The following DLG2 variants were observed in gnomAD, a reference collection of about 807,000 sequenced individuals.
The protein encoded by DLG2 is discs large MAGUK scaffold protein 2.
In DLG2, 45 loss-of-function variants were observed where a neutral mutation model predicts 132.5. That is an observed-to-expected ratio of 0.34 (90% CI 0.27 to 0.44). DLG2 has a LOEUF of 0.44. Ranked by LOEUF, DLG2 falls within the 20% of genes least tolerant of loss-of-function variation. The pLI is 1.00. For synonymous variants in DLG2, 424 were observed against 419.6 expected (o/e 1.01, Z -0.13); for missense variants, 1,045 against 1,196.9 (o/e 0.87, Z 1.87).
chr11:85,127,712 C>T (rs1026966155), intron 5 of DLG2, among the ~76,000 whole-genome samples: 1 of 152,156 alleles, frequency 6.6e-6, no homozygotes, highest in Non-Finnish European at 1.5e-5. Context: ...GAACACAAGA[C>T]CACTCAGGAA....
At chr11:85,286,065 A>G (rs2078535272) in intron 3 of DLG2, 1 of 437,540 alleles carries the variant, frequency 2.3e-6, no homozygotes, top group African/African-American at 2.1e-5. Flanking sequence ...AATAACCTCC[A>G]AGAAGTCAAC....
chr11:84,510,813 T>G (rs537274508), intron 7 of DLG2, among the ~76,000 whole-genome samples: 2 of 147,772 alleles, frequency 1.4e-5, no homozygotes, highest in East Asian at 4.0e-4. Context: ...GGATAACTGT[T>G]TTTTGTTTGT....
At chr11:84,313,484 CAAAG>C (rs149038962) in intron 7 of DLG2, among the ~76,000 whole-genome samples, 37 of 115,450 alleles carry the variant, frequency 3.2e-4, no homozygotes, top group Admixed American at 7.2e-4. Context: ...ACATGATAGT[CAAAG>C]AAAGAAAGAA....
chr11:83,787,301 C>A (rs934060450), intron 17 of DLG2, among the ~76,000 whole-genome samples: 6 of 146,266 alleles, frequency 4.1e-5, no homozygotes, highest in Non-Finnish European at 8.9e-5. Flanking sequence ...GGTTAGACAG[C>A]CTTAAGCCTT....
intron 9 of DLG2, among the ~76,000 whole-genome samples, chr11:84,155,451 C>A (rs1485536333): frequency 6.6e-6 from 1 of 151,292 alleles, no homozygotes; most frequent in Non-Finnish European, 1.5e-5. Context: ...GTGCTCCCAG[C>A]TATATCTAGT....
intron 18 of DLG2, chr11:83,643,618 T>A (rs900870538): frequency 6.6e-6 from 1 of 152,184 alleles, no homozygotes; most frequent in Non-Finnish European, 1.5e-5. Flanking sequence ...GCTAAAATAA[T>A]ATCTAAGTTT....
At chr11:83,513,689 T>A (rs1377391402) in intron 21 of DLG2, among the ~76,000 whole-genome samples, 2 of 152,238 alleles carry the variant, frequency 1.3e-5, no homozygotes, top group Non-Finnish European at 2.9e-5. Context: ...TTAATCCATC[T>A]TGAATTCATT....
At chr11:83,722,452 G>A (rs2088859496) in intron 18 of DLG2, among the ~76,000 whole-genome samples, 1 of 152,120 alleles carries the variant, frequency 6.6e-6, no homozygotes, top group Non-Finnish European at 1.5e-5. Context: ...ATTTGGTAGG[G>A]GATATGGAGA....
intron 6 of DLG2, among the ~76,000 whole-genome samples, chr11:84,785,768 A>G (rs1296714077): frequency 1.3e-5 from 2 of 151,984 alleles, no homozygotes; most frequent in African/African-American, 4.8e-5. Flanking sequence ...ACCCATTATA[A>G]TTATTATCTT....
At chr11:85,017,754 C>T (rs900488932) in intron 6 of DLG2, among the ~76,000 whole-genome samples, 4 of 152,188 alleles carry the variant, frequency 2.6e-5, no homozygotes, top group African/African-American at 9.7e-5. Context: ...CCTCCACCCT[C>T]ACCATATAGG....
chr11:84,899,620 A>G (rs1453094501), intron 6 of DLG2, among the ~76,000 whole-genome samples: 3 of 152,080 alleles, frequency 2.0e-5, no homozygotes, highest in Admixed American at 1.3e-4. Context: ...AAACCATTAT[A>G]TTACATAAAT....
chr11:83,980,333 T>C (rs2092674805), intron 12 of DLG2, among the ~76,000 whole-genome samples, 173 bp downstream of exon 12: 1 of 152,152 alleles, frequency 6.6e-6, no homozygotes, highest in Non-Finnish European at 1.5e-5. Context: ...ACCTAATCGG[T>C]TGGAACCTTG....
intron 14 of DLG2, among the ~76,000 whole-genome samples, chr11:83,938,172 C>T (rs908146179): frequency 6.6e-6 from 1 of 152,198 alleles, no homozygotes; most frequent in South Asian, 2.1e-4. Context: ...TTTAATGAGA[C>T]AGGAAAATGC....
intron 6 of DLG2, among the ~76,000 whole-genome samples, chr11:84,752,772 T>C (rs1205286559): frequency 2.3e-5 from 3 of 128,762 alleles, no homozygotes; most frequent in Non-Finnish European, 4.7e-5. Flanking sequence ...CCTGTGTCCA[T>C]GTGATCTCAT....
At chr11:84,705,274 C>T (rs1311549708) in intron 6 of DLG2, among the ~76,000 whole-genome samples, 1 of 151,688 alleles carries the variant, frequency 6.6e-6, no homozygotes, top group Non-Finnish European at 1.5e-5. Context: ...AGATTTCCTT[C>T]CCCTGGACTA....
At chr11:84,170,385 A>G (rs1044204325) in intron 8 of DLG2, among the ~76,000 whole-genome samples, 16 of 152,206 alleles carry the variant, frequency 1.1e-4, no homozygotes, top group African/African-American at 3.6e-4. Context: ...CTGGAGATAC[A>G]AAGTTGGGTG....
At chr11:83,730,146 G>GCTTTTTTTTTT (rs775673275) in intron 18 of DLG2, among the ~76,000 whole-genome samples, 1 of 111,004 alleles carries the variant, frequency 9.0e-6, no homozygotes, top group African/African-American at 3.5e-5. Context: ...TTTTTTTATG[G>GCTTTTTTTTTT]TTTTTTTTTT....
intron 6 of DLG2, among the ~76,000 whole-genome samples, chr11:85,039,705 A>T (rs538557902): frequency 2.4e-4 from 24 of 100,144 alleles, no homozygotes; most frequent in African/African-American, 7.3e-4. Context: ...AAAAATGGAT[A>T]AAAAAAAAGT....
intron 4 of DLG2, among the ~76,000 whole-genome samples, chr11:85,279,637 A>G (rs2078110757): frequency 6.6e-6 from 1 of 152,094 alleles, no homozygotes; most frequent in Non-Finnish European, 1.5e-5. Context: ...TCCAAATACC[A>G]ACACAAATCC....
Sources: allele counts gnomAD v4.1 joint callset (sites outside exome capture counted in the v4.1 genomes callset), GRCh38; gene constraint gnomAD v4.1.1; transcripts MANE v1.5; gene names NCBI Gene and HGNC (gene_info 2026-07-23, HGNC 2026-07-21).